The following NFAM1 variants were observed in gnomAD, a reference collection of about 807,000 sequenced individuals.
NFAM1 encodes NFAT activation molecule 1.
Under a neutral mutation model 29.0 loss-of-function variants are expected in NFAM1, and 17 were observed. That is an observed-to-expected ratio of 0.59 (90% CI 0.40 to 0.88). NFAM1 has a LOEUF of 0.88. Ranked by LOEUF, NFAM1 falls within the 40% of genes least tolerant of loss-of-function variation. The probability of loss-of-function intolerance (pLI) is 0.00; values close to 1 mark genes in which losing one functional copy is unlikely to be tolerated. For missense variants in NFAM1, 324 were observed against 344.6 expected (o/e 0.94, Z 0.47); for synonymous variants, 175 against 147.2 (o/e 1.19, Z -1.36).
chr22:42,400,409 G>A (rs1275032667), intron 3 of NFAM1, among the ~76,000 whole-genome samples: 1 of 152,106 alleles, frequency 6.6e-6, no homozygotes, highest in African/African-American at 2.4e-5. Flanking sequence ...CTTGAGGTCG[G>A]GAGTTCGAGA....
intron 1 of NFAM1, among the ~76,000 whole-genome samples, chr22:42,423,112 C>CAAAAAAAAAAAAA (rs71184892): frequency 1.3e-5 from 1 of 75,676 alleles, no homozygotes; most frequent in Non-Finnish European, 2.2e-5. Context: ...GACTCCATCT[C>CAAAAAAAAAAAAA]AAAAAAAAAA....
At position 42,411,540 on chromosome 22, in the gene NFAM1, C is replaced by T; in HGVS notation, c.318G>A (p.Glu106=). ...GGCAGTCCAGGGTGTGGCTCTGGTT[C>T]TCTGTGCCCAGTCCAGGGTGGCAGT... is the stretch of plus-strand genomic sequence containing the variant. ...PTNCHPGLGT[E]NQSHTLDCQV... The change falls in exon 2 of 6, where the codon GAG becomes GAA. Residue 106 remains glutamate, a synonymous_variant. Coordinates refer to ENST00000329021, the MANE Select transcript of NFAM1 (RefSeq NM_145912.8). 6.2e-7 allele frequency: 1 copy of T among 1,614,218 alleles called. No individual in the cohort carries two copies.
At chr22:42,398,659 C>T (rs535653343) in intron 3 of NFAM1, among the ~76,000 whole-genome samples, 7 of 152,192 alleles carry the variant, frequency 4.6e-5, no homozygotes, top group African/African-American at 1.2e-4. Context: ...GGTGATCCAC[C>T]GCCTTGGCGT....
chr22:42,436,527 C>G (rs1448759921), upstream of NFAM1, among the ~76,000 whole-genome samples: 1 of 152,210 alleles, frequency 6.6e-6, no homozygotes, highest in Non-Finnish European at 1.5e-5. Flanking sequence ...CTGGGTGGTG[C>G]TGACCCCACC....
At chr22:42,435,213 G>A (rs766966958), upstream of NFAM1, among the ~76,000 whole-genome samples, 1 of 152,244 alleles carries the variant, frequency 6.6e-6, no homozygotes, top group African/African-American at 2.4e-5. Flanking sequence ...CAGCCCTGAA[G>A]GAGGTGGAAG....
intron 1 of NFAM1, among the ~76,000 whole-genome samples, chr22:42,421,402 A>G (rs1930439714): frequency 6.7e-6 from 1 of 150,232 alleles, no homozygotes; most frequent in Admixed American, 6.7e-5. Context: ...CCGAGATCGC[A>G]TCATTGCACT....
At chr22:42,436,238 G>A (rs186147030), upstream of NFAM1, among the ~76,000 whole-genome samples, 1 of 152,162 alleles carries the variant, frequency 6.6e-6, no homozygotes, top group Non-Finnish European at 1.5e-5. Context: ...CAGAAGTGCC[G>A]TGGGAAGGAG....
At chr22:42,433,129 G>A (rs1049059893), upstream of NFAM1, among the ~76,000 whole-genome samples, 1 of 152,170 alleles carries the variant, frequency 6.6e-6, no homozygotes, top group Admixed American at 6.5e-5. Context: ...AGCATCAGCC[G>A]GGGACAGGAA....
Position 42,409,343 on chromosome 22 carries a change from C to A in NFAM1, c.564+92G>T. ...GTTACAGATGTGGATGTGCCCTCAC[C>A]AGGGCCCACCAAACGCCCTGCAGAG... On this transcript the variant is annotated intron_variant, in intron 3 of 5. Coordinates refer to ENST00000329021, the MANE Select transcript of NFAM1 (RefSeq NM_145912.8). The surrounding 1 kb of genome is among the most constrained non-coding windows in gnomAD (Gnocchi z 4.9). The A allele has an allele frequency of 1.6e-6, 1 of 621,792 alleles. No homozygotes were observed. The highest frequency in any genetic ancestry group is 2.9e-5 in the South Asian group (1 of 34,732). 38.5% of individuals were successfully genotyped at this position (621,792 alleles called of 1,614,324 possible). A position where few individuals can be genotyped will look rare whatever the true frequency, so the allele number is the denominator to read the frequency against.
rs1397487659 is a variant in NFAM1 at position 42,383,490 on chromosome 22, C to T, written c.*1671G>A. 1 of 152,754 alleles carries T rather than the reference C, an allele frequency of 6.5e-6. No homozygotes were observed. Among genetic ancestry groups the T allele is most frequent in the East Asian group, 1.9e-4 (1 of 5,200 alleles). The allele number at this position is 152,754 out of a possible 1,614,324, so 9.5% of individuals were successfully genotyped here. A position where few individuals can be genotyped will look rare whatever the true frequency, so the allele number is the denominator to read the frequency against. ...CTCGGTTATGTGAGCCTGCTAAAGC[C>T]CTCCTTGCCATGTGTGCTTGCAGGC... is the stretch of plus-strand genomic sequence containing the variant. On this transcript the variant is annotated 3_prime_UTR_variant, in exon 6 of 6. Coordinates refer to ENST00000329021, the MANE Select transcript of NFAM1 (RefSeq NM_145912.8).
chr22:42,424,277 T>C (rs1424210817), intron 1 of NFAM1, among the ~76,000 whole-genome samples: 2 of 151,824 alleles, frequency 1.3e-5, no homozygotes, highest in African/African-American at 4.8e-5. Flanking sequence ...TAGACGAGCA[T>C]GGTGGCAGGC....
At chr22:42,436,968 A>G (rs1930955473), upstream of NFAM1, 13 of 977,588 alleles carry the variant, frequency 1.3e-5, no homozygotes, top group Non-Finnish European at 1.6e-5. Context: ...GCTTGAGGTC[A>G]CAGAGGGGAC....
chr22:42,412,046 A>T (rs1930112868), intron 1 of NFAM1, among the ~76,000 whole-genome samples: 1 of 152,218 alleles, frequency 6.6e-6, no homozygotes, highest in Admixed American at 6.5e-5. Context: ...CAGCCTGGCC[A>T]ACATGGCAAA....
At chr22:42,420,270 A>C (rs993178791) in intron 1 of NFAM1, among the ~76,000 whole-genome samples, 1 of 151,768 alleles carries the variant, frequency 6.6e-6, no homozygotes, top group Non-Finnish European at 1.5e-5. Flanking sequence ...TCAGGACTTT[A>C]AGATCAGCCT....
chr22:42,410,367 T>G, intron 2 of NFAM1: 1 of 347,194 alleles, frequency 2.9e-6, no homozygotes, highest in Non-Finnish European at 5.8e-6. Context: ...TTTGAGAATG[T>G]GATGAAAACT....
Position 42,382,010 on chromosome 22 carries a change from C to G in NFAM1, c.*3151G>C, listed in dbSNP as rs958734718. 5.2e-5 allele frequency: 8 copies of G among 152,612 alleles called. No individual in the cohort carries two copies. The highest frequency in any genetic ancestry group is 1.9e-4 in the African/African-American group (8 of 41,472). The allele number at this position is 152,612 out of a possible 1,614,324, so 9.5% of individuals were successfully genotyped here. On this transcript the variant is annotated 3_prime_UTR_variant, in exon 6 of 6. Transcript: ENST00000329021. ...AAATGCACACCCACTGAGCTTCTGCCTGAGCCAGGGAGTCCCCTTCTGTCC... is the reference window on the plus strand; with the variant it reads ...AAATGCACACCCACTGAGCTTCTGCGTGAGCCAGGGAGTCCCCTTCTGTCC...
At position 42,409,417 on chromosome 22, in the gene NFAM1, T is replaced by C; in HGVS notation, c.564+18A>G. On this transcript the variant is annotated intron_variant, in intron 3 of 5. Coordinates refer to ENST00000329021, the MANE Select transcript of NFAM1 (RefSeq NM_145912.8). The surrounding 1 kb of genome is among the most constrained non-coding windows in gnomAD (Gnocchi z 4.9). ...GTCGGGTGGAGGGGCTGCATGGCTG[T>C]GAGCACTGATCCCGTACCTTGTTCC... 2 of 1,333,414 alleles carry C rather than the reference T, an allele frequency of 1.5e-6. No homozygotes were observed. The highest frequency in any genetic ancestry group is 2.0e-6 in the Non-Finnish European group (2 of 985,254). 82.6% of individuals were successfully genotyped at this position (1,333,414 alleles called of 1,614,324 possible).
At chr22:42,417,308 G>A (rs1182706935) in intron 1 of NFAM1, among the ~76,000 whole-genome samples, 1 of 152,188 alleles carries the variant, frequency 6.6e-6, no homozygotes, top group East Asian at 1.9e-4. Context: ...AGAGTGACCA[G>A]AGGAGCTGAG....
chr22:42,407,138 G>A (rs1278664295), intron 3 of NFAM1, among the ~76,000 whole-genome samples: 1 of 147,104 alleles, frequency 6.8e-6, no homozygotes, highest in Admixed American at 6.9e-5. Context: ...CTGGAGTGCA[G>A]TGGCGCCATC....
Sources: gnomAD v4.1 joint callset for allele counts (sites outside exome capture counted in the v4.1 genomes callset) on GRCh38, gnomAD v4.1.1 for gene constraint, Gnocchi (gnomAD v3.1) non-coding constraint, MANE v1.5 for transcripts, NCBI Gene and HGNC (gene_info 2026-07-23, HGNC 2026-07-21) for gene names.